Variants in SNX4 observed in about 807,000 individuals in gnomAD.
SNX4 encodes the protein sorting nexin 4.
A neutral mutation model predicts 70.8 loss-of-function variants in SNX4; 49 were observed. That is an observed-to-expected ratio of 0.69 (90% CI 0.55 to 0.88). SNX4 has a LOEUF of 0.88. SNX4 is among the 40% of genes least tolerant of loss of function. SNX4 has a pLI of 0.00. For missense variants in SNX4, 528 were observed against 544.8 expected, an observed-to-expected ratio of 0.97 and a Z score of 0.31; for synonymous variants, 206 against 183.8, an observed-to-expected ratio of 1.12 and a Z score of -0.98.
intron 1 of SNX4, 83 bp downstream of exon 1, chr3:125,519,949 G>GCCCAC: frequency 9.5e-7 from 1 of 1,049,130 alleles, no homozygotes. Context: ...GCCCGGCCCG[G>GCCCAC]CCCAGCCCAG....
rs894584312 is a variant in SNX4 at position 125,446,990 on chromosome 3, C to A, written c.*789G>T. ...ACACATTGAAATGCTACATCTTATA[C>A]CCTGAAATGCCATGTGTAGAGAGCC... is the stretch of plus-strand genomic sequence containing the variant. On this transcript the variant is annotated 3_prime_UTR_variant, in exon 14 of 14. Coordinates refer to ENST00000251775, the MANE Select transcript of SNX4 (RefSeq NM_003794.4). 1 of 152,536 alleles carries A rather than the reference C, an allele frequency of 6.6e-6. No individual in the cohort carries two copies. The highest frequency in any genetic ancestry group is 1.5e-5 in the Non-Finnish European group (1 of 68,014). The allele number at this position is 152,536 out of a possible 1,614,324, so 9.4% of individuals were successfully genotyped here. A position where few individuals can be genotyped will look rare whatever the true frequency, so the allele number is the denominator to read the frequency against.
At chr3:125,488,152 T>TA (rs34666615) in intron 6 of SNX4, among the ~76,000 whole-genome samples, 42 of 121,418 alleles carry the variant, frequency 3.5e-4, no homozygotes, top group East Asian at 7.1e-4. Context: ...GTAACTGCTG[T>TA]AAAAAAAAAA....
intron 8 of SNX4, among the ~76,000 whole-genome samples, chr3:125,476,138 G>A (rs2107542140): frequency 6.6e-6 from 1 of 151,564 alleles, no homozygotes; most frequent in South Asian, 2.1e-4. Flanking sequence ...GTGGTGGCAG[G>A]TGTCTGTAAT....
chr3:125,450,547 A>G (rs1172657136), intron 13 of SNX4, among the ~76,000 whole-genome samples: 2 of 152,246 alleles, frequency 1.3e-5, no homozygotes, highest in Admixed American at 1.3e-4. Context: ...TTGATAAATT[A>G]TGACAGGTGA....
Position 125,460,853 on chromosome 3 carries a change from A to C in SNX4, c.862T>G (p.Ser288Ala). ...TCTTCCAAAATATCATCAATAGAAG[A>C]TGCATACCTGTTTTAAAAAAAAAAA... ...SAGHHMDVYA[S>A]SIDDILEDEE... Residue 288 changes from serine to alanine, a missense_variant, in exon 10 of 14, where the codon TCT becomes GCT. Coordinates refer to ENST00000251775, the MANE Select transcript of SNX4 (RefSeq NM_003794.4). 6.9e-7 allele frequency: 1 copy of C among 1,459,524 alleles called. No individual in the cohort carries two copies. Among genetic ancestry groups the C allele is most frequent in the Non-Finnish European group, 9.4e-7 (1 of 1,068,286 alleles). 90.4% of individuals were successfully genotyped at this position (1,459,524 alleles called of 1,614,324 possible). A position where few individuals can be genotyped will look rare whatever the true frequency, so the allele number is the denominator to read the frequency against.
At chr3:125,460,198 C>CA (rs57601494) in intron 10 of SNX4, among the ~76,000 whole-genome samples, 3,752 of 64,140 alleles carry the variant, frequency 0.058, 178 homozygotes, top group African/African-American at 0.15. Context: ...TAGTCTGTCT[C>CA]AAAAAAAAAA....
intron 9 of SNX4, among the ~76,000 whole-genome samples, chr3:125,462,967 TTC>T: frequency 1.3e-5 from 2 of 152,338 alleles, no homozygotes; most frequent in South Asian, 4.1e-4. Flanking sequence ...TTGGTTTTAT[TTC>T]TCTGATAGCA....
chr3:125,491,836 C>T (rs1195677211), intron 5 of SNX4, among the ~76,000 whole-genome samples: 3 of 152,144 alleles, frequency 2.0e-5, no homozygotes, highest in East Asian at 3.8e-4. Flanking sequence ...AAGCCGGGCA[C>T]GGTGGCTTAT....
At chr3:125,461,743 G>C (rs1028546767) in intron 9 of SNX4, among the ~76,000 whole-genome samples, 4 of 151,556 alleles carry the variant, frequency 2.6e-5, no homozygotes, top group African/African-American at 7.3e-5. Context: ...CTCACTGCAA[G>C]CTCTGCCTCC....
intron 5 of SNX4, among the ~76,000 whole-genome samples, chr3:125,496,072 T>C (rs1934786426): frequency 6.6e-6 from 1 of 152,158 alleles, no homozygotes; most frequent in African/African-American, 2.4e-5. Flanking sequence ...AGAGAATCGA[T>C]TGAGCCCAGG....
chr3:125,459,654 G>C (rs948176123), intron 10 of SNX4, among the ~76,000 whole-genome samples: 1 of 151,964 alleles, frequency 6.6e-6, no homozygotes, highest in Non-Finnish European at 1.5e-5. Context: ...GGCTAGGCTG[G>C]TCTCGAACTC....
At chr3:125,473,833 T>C (rs1343708379) in intron 8 of SNX4, among the ~76,000 whole-genome samples, 3 of 152,202 alleles carry the variant, frequency 2.0e-5, no homozygotes, top group South Asian at 2.1e-4. Flanking sequence ...AACGCAGATA[T>C]TCCCTTGAGT....
Position 125,451,305 on chromosome 3 carries a change from C to A in SNX4, c.1305G>T (p.Lys435Asn). 2 of 1,604,592 alleles carry A rather than the reference C, an allele frequency of 1.2e-6. No individual in the cohort carries two copies. Among genetic ancestry groups the A allele is most frequent in the Non-Finnish European group, 1.7e-6 (2 of 1,173,116 alleles). The change falls in exon 13 of 14, where the codon AAG becomes AAT. Residue 435 changes from lysine to asparagine, a missense_variant and splice_region_variant. Lys to Asn is a moderately conservative substitution (Grantham distance 94). Coordinates refer to ENST00000251775, the MANE Select transcript of SNX4 (RefSeq NM_003794.4). ...TTCACTGAAACAGGAAAAACCCTAC[C>A]TTTTTGCACATACTGATCTGCATGA... ...YAVMQISMCK[K>N]GIQVWTNAKE... is the part of the protein sequence containing the mutation.
At position 125,460,761 on chromosome 3, in the gene SNX4, T is replaced by C. The variant is rs1452666393; in HGVS notation, c.944+10A>G. On this transcript the variant is annotated intron_variant, in intron 10 of 13. Transcript: ENST00000251775. ...CCTGTGGCTGCACCTGGAACTTTTA[T>C]TAAACTTACCGCAATGCTTCTGCAT... 2 of 1,450,656 alleles carry C rather than the reference T, an allele frequency of 1.4e-6. No homozygotes were observed. The highest frequency in any genetic ancestry group is 1.9e-6 in the Non-Finnish European group (2 of 1,063,116). The allele number at this position is 1,450,656 out of a possible 1,614,324, so 89.9% of individuals were successfully genotyped here.
chr3:125,485,829 CCT>C (rs1446807137), intron 6 of SNX4, among the ~76,000 whole-genome samples: 1 of 152,068 alleles, frequency 6.6e-6, no homozygotes, highest in Non-Finnish European at 1.5e-5. Flanking sequence ...TTGGTTCTTG[CCT>C]CCCTATCTGT....
rs779728526 is a variant in SNX4, at chr3:125,469,569, A to C, written c.789-50T>G. ...AAGCAACATGCATTAGAGATATGGA[A>C]TAGTATTAAATGGACTCTTTTCAAG... On this transcript the variant is annotated intron_variant, in intron 8 of 13. Transcript: ENST00000251775. 3.4e-6 allele frequency: 4 copies of C among 1,183,866 alleles called. No individual in the cohort carries two copies. In the East Asian group the frequency reaches 7.0e-5, roughly 21 times the overall value. 73.3% of individuals were successfully genotyped at this position (1,183,866 alleles called of 1,614,324 possible).
At chr3:125,462,270 A>G (rs1306679484) in intron 9 of SNX4, among the ~76,000 whole-genome samples, 1 of 147,216 alleles carries the variant, frequency 6.8e-6, no homozygotes, top group Non-Finnish European at 1.5e-5. Flanking sequence ...GAGCATCTAC[A>G]ATGTGCCAAT....
chr3:125,454,010 A>G (rs1933646626), intron 11 of SNX4, 55 bp from the exon 12 acceptor site: 2 of 1,443,678 alleles, frequency 1.4e-6, no homozygotes, highest in Admixed American at 1.9e-5. Flanking sequence ...ATACACATAC[A>G]CATACAATGG....
intron 10 of SNX4, among the ~76,000 whole-genome samples, chr3:125,457,922 T>C (rs186861695): frequency 6.6e-6 from 1 of 152,224 alleles, no homozygotes; most frequent in Admixed American, 6.5e-5. Context: ...GTTTTCCATA[T>C]ACTTGGAACA....
Sources: allele counts gnomAD v4.1 joint callset (sites outside exome capture counted in the v4.1 genomes callset), GRCh38; gene constraint gnomAD v4.1.1; transcripts MANE v1.5; gene names NCBI Gene and HGNC (gene_info 2026-07-23, HGNC 2026-07-21).